The following UNC5D variants were observed in gnomAD, a reference collection of about 807,000 sequenced individuals.
The protein encoded by UNC5D is netrin receptor UNC5D.
In UNC5D, 39 loss-of-function variants were observed where a neutral mutation model predicts 105.4. The observed-to-expected ratio is 0.37, with a 90% CI of 0.29 to 0.48. UNC5D has a LOEUF of 0.48. Among genes scored for constraint, UNC5D ranks in the 20% least tolerant of loss-of-function variants. The pLI, the probability that UNC5D is intolerant of heterozygous loss-of-function variation, is 0.98. For synonymous variants in UNC5D, 452 were observed against 450.4 expected (o/e 1.00, Z -0.04); for missense variants, 991 against 1,202.4 (o/e 0.82, Z 2.60).
chr8:35,248,075 TA>T (rs1203647842), intron 1 of UNC5D, among the ~76,000 whole-genome samples: 101 of 64,500 alleles, frequency 1.6e-3, no homozygotes, highest in South Asian at 2.2e-3. Context: ...ATATTATATA[TA>T]AAAAATATAA....
chr8:35,275,879 C>G (rs531487063), intron 1 of UNC5D, among the ~76,000 whole-genome samples: 1 of 152,138 alleles, frequency 6.6e-6, no homozygotes, highest in East Asian at 1.9e-4. Context: ...TCTCATCACA[C>G]CAAGACCTTC....
At chr8:35,391,908 T>C (rs1354641860) in intron 1 of UNC5D, among the ~76,000 whole-genome samples, 1 of 152,202 alleles carries the variant, frequency 6.6e-6, no homozygotes, top group Admixed American at 6.5e-5. Context: ...CATTTTCTTT[T>C]TGCTTAGTCT....
chr8:35,754,348 T>G (rs1272660474), intron 13 of UNC5D, among the ~76,000 whole-genome samples: 1 of 152,226 alleles, frequency 6.6e-6, no homozygotes, highest in Non-Finnish European at 1.5e-5. Context: ...GATTAGGAAA[T>G]CAATGTGAAC....
At position 35,767,633 on chromosome 8, in the gene UNC5D, C is replaced by G. The variant is rs190702018; in HGVS notation, c.2478+567C>G. Reference sequence around the variant, plus strand: ...ATACAATAATATAAGGAGGACAGGACAGTACAATAATATAAGAAGGATCTC... The same window carrying G: ...ATACAATAATATAAGGAGGACAGGAGAGTACAATAATATAAGAAGGATCTC... On this transcript the variant is annotated intron_variant, in intron 15 of 16. Coordinates refer to ENST00000404895, the MANE Select transcript of UNC5D (RefSeq NM_080872.4). Among the ~76,000 whole-genome samples, 12 of 152,146 alleles carry G rather than the reference C, an allele frequency of 7.9e-5. 1 individual carries two copies. The highest frequency in any genetic ancestry group is 5.2e-4 in the Admixed American group (8 of 15,282).
intron 9 of UNC5D, among the ~76,000 whole-genome samples, chr8:35,724,500 A>G (rs916358999): frequency 3.9e-5 from 6 of 152,138 alleles, no homozygotes; most frequent in African/African-American, 1.4e-4. Flanking sequence ...GACTGGGGTG[A>G]CCAGCGGTGG....
intron 1 of UNC5D, among the ~76,000 whole-genome samples, chr8:35,344,411 G>C (rs1043421391): frequency 6.6e-6 from 1 of 152,000 alleles, no homozygotes; most frequent in Non-Finnish European, 1.5e-5. Flanking sequence ...ATGTTCACCT[G>C]CATTGGCTCA....
chr8:35,238,130 G>A (rs970587446), intron 1 of UNC5D, among the ~76,000 whole-genome samples: 1 of 152,174 alleles, frequency 6.6e-6, no homozygotes, highest in Non-Finnish European at 1.5e-5. Context: ...AACCAACGGG[G>A]TATAGAATTA....
intron 1 of UNC5D, among the ~76,000 whole-genome samples, chr8:35,313,532 T>C (rs560063199): frequency 2.0e-5 from 3 of 152,168 alleles, no homozygotes; most frequent in Non-Finnish European, 1.5e-5. Flanking sequence ...ATAGGCAGAC[T>C]CTTGATGGTC....
Position 35,235,761 on chromosome 8 carries a change from G to GC in UNC5D, c.-21dup. Reference sequence around the variant, plus strand: ...GGCTCCCGGAGCGTGAAGAAGAGCCGCCCTCCGGAACGCGGCGAGGAGCAT... The same window carrying GC: ...GGCTCCCGGAGCGTGAAGAAGAGCCGCCCCTCCGGAACGCGGCGAGGAGCAT... On this transcript the variant is annotated 5_prime_UTR_variant, in exon 1 of 17. Coordinates refer to ENST00000404895, the MANE Select transcript of UNC5D (RefSeq NM_080872.4). 1.6e-6 allele frequency: 2 copies of GC among 1,228,910 alleles called. No individual in the cohort carries two copies. The highest frequency in any genetic ancestry group is 2.0e-6 in the Non-Finnish European group (2 of 985,032). The allele number at this position is 1,228,910 out of a possible 1,614,324, so 76.1% of individuals were successfully genotyped here. A position where few individuals can be genotyped will look rare whatever the true frequency, so the allele number is the denominator to read the frequency against.
intron 1 of UNC5D, among the ~76,000 whole-genome samples, chr8:35,306,253 G>A (rs1808410952): frequency 2.0e-5 from 3 of 151,922 alleles, no homozygotes; most frequent in Admixed American, 1.3e-4. Flanking sequence ...CCTCTGATGA[G>A]ATGGCTTCAA....
At chr8:35,512,533 A>ATT (rs1812805878) in intron 1 of UNC5D, among the ~76,000 whole-genome samples, 1 of 73,896 alleles carries the variant, frequency 1.4e-5, no homozygotes, top group Non-Finnish European at 2.3e-5. Context: ...ATATTCAGAT[A>ATT]TGTATGTATA....
intron 8 of UNC5D, among the ~76,000 whole-genome samples, chr8:35,714,877 C>T (rs189865381): frequency 6.6e-5 from 10 of 152,244 alleles, no homozygotes; most frequent in East Asian, 5.8e-4. Context: ...GCCGGCCAGG[C>T]GCAGTGGCTC....
In UNC5D at chr8:35,683,564, T is replaced by C; in HGVS notation, c.588T>C (p.Asn196=). The change falls in exon 5 of 17, where the codon AAT becomes AAC. Residue 196 remains asparagine, a synonymous_variant. Transcript: ENST00000404895. ...TCCTGTAGGTGGAATGGCTGAAAAA[T>C]GAAGAGCCCATTGACTCTGAACAAG... ...VPAAEVEWLK[N]EEPIDSEQDE... 1 of 1,557,826 alleles carries C rather than the reference T, an allele frequency of 6.4e-7. No homozygotes were observed. Among genetic ancestry groups the C allele is most frequent in the East Asian group, 2.4e-5 (1 of 41,292 alleles).
At chr8:35,521,988 C>T (rs1813515469) in intron 1 of UNC5D, among the ~76,000 whole-genome samples, 1 of 152,176 alleles carries the variant, frequency 6.6e-6, no homozygotes, top group Non-Finnish European at 1.5e-5. Flanking sequence ...GTGCCTCCCT[C>T]AGATACTGAA....
chr8:35,724,380 C>T (rs966033738), intron 9 of UNC5D: 23 of 1,397,370 alleles, frequency 1.6e-5, no homozygotes, highest in East Asian at 1.0e-4. Context: ...TAGAGAGATC[C>T]GTTTTTGAGC....
intron 1 of UNC5D, among the ~76,000 whole-genome samples, chr8:35,313,190 A>T (rs1809028023): frequency 6.6e-6 from 1 of 152,228 alleles, no homozygotes; most frequent in Non-Finnish European, 1.5e-5. Flanking sequence ...CAAGGAGTGC[A>T]AGCTTACATA....
chr8:35,680,491 TAAATG>T (rs1050397896), intron 4 of UNC5D, among the ~76,000 whole-genome samples: 1 of 152,224 alleles, frequency 6.6e-6, no homozygotes, highest in Non-Finnish European at 1.5e-5. Flanking sequence ...ATCATCAACT[TAAATG>T]AAAGTTTGAG....
In UNC5D at chr8:35,383,266, A is replaced by G. The variant is rs530874090; in HGVS notation, c.103+147379A>G. 3.7e-4 allele frequency among the ~76,000 whole-genome samples: 57 copies of G among 152,226 alleles called. No individual in the cohort carries two copies. In the South Asian group the frequency reaches 0.011, roughly 30 times the overall value. ...TTATTTCAGGGCCAGTGTTGCTTTC[A>G]TTACTCTGCCATTTCCTCCATACCC... On this transcript the variant is annotated intron_variant, in intron 1 of 16. Coordinates refer to ENST00000404895, the MANE Select transcript of UNC5D (RefSeq NM_080872.4).
intron 15 of UNC5D, among the ~76,000 whole-genome samples, chr8:35,769,880 T>G (rs909842829): frequency 2.0e-5 from 3 of 152,134 alleles, no homozygotes; most frequent in East Asian, 1.9e-4. Flanking sequence ...GGAGAATTGC[T>G]TGAACCCAGA....
Sources: gnomAD v4.1 joint callset for allele counts (sites outside exome capture counted in the v4.1 genomes callset) on GRCh38, gnomAD v4.1.1 for gene constraint, MANE v1.5 for transcripts, NCBI Gene and HGNC (gene_info 2026-07-23, HGNC 2026-07-21) for gene names.